The following EPC1 variants were observed in gnomAD, a reference collection of about 807,000 sequenced individuals.
The protein encoded by EPC1 is enhancer of polycomb 1.
In EPC1, 12 loss-of-function variants were observed where a neutral mutation model predicts 98.4. The ratio of observed to expected loss-of-function variants is 0.12; its 90% CI spans 0.08 to 0.20. The LOEUF (loss-of-function observed/expected upper bound fraction) is 0.20. EPC1 is among the 10% of genes least tolerant of loss of function. The pLI, the probability that EPC1 is intolerant of heterozygous loss-of-function variation, is 1.00. For missense variants in EPC1, 729 were observed against 990.5 expected (o/e 0.74, Z 3.54); for synonymous variants, 357 against 363.9 (o/e 0.98, Z 0.21).
At chr10:32,320,470 G>A (rs1836838913) in intron 1 of EPC1, among the ~76,000 whole-genome samples, 1 of 152,214 alleles carries the variant, frequency 6.6e-6, no homozygotes, top group Non-Finnish European at 1.5e-5. Context: ...TATGCACAGA[G>A]GCAGGGATAA....
At chr10:32,331,769 A>G (rs930040602) in intron 1 of EPC1, among the ~76,000 whole-genome samples, 7 of 152,356 alleles carry the variant, frequency 4.6e-5, no homozygotes, top group African/African-American at 1.2e-4. Flanking sequence ...CTTTGTAAAC[A>G]TAAGTTTATA....
chr10:32,335,464 C>T (rs1308851987), intron 1 of EPC1, among the ~76,000 whole-genome samples: 1 of 129,542 alleles, frequency 7.7e-6, no homozygotes, highest in Non-Finnish European at 1.7e-5. Flanking sequence ...AGAAACAATA[C>T]TCCCCATCGC....
chr10:32,280,522 C>G (rs1349005887), intron 10 of EPC1, among the ~76,000 whole-genome samples: 1 of 149,458 alleles, frequency 6.7e-6, no homozygotes, highest in African/African-American at 2.5e-5. Context: ...GGGTGGATCA[C>G]AGGGTCAGGA....
chr10:32,272,645 A>G (rs1835898868), intron 11 of EPC1, among the ~76,000 whole-genome samples: 1 of 152,244 alleles, frequency 6.6e-6, no homozygotes, highest in Non-Finnish European at 1.5e-5. Flanking sequence ...GAAGTAACAA[A>G]ATATCACATA....
rs546510794 is a variant in EPC1, at chr10:32,371,872, C to T, written c.3+6619G>A. On this transcript the variant is annotated intron_variant, in intron 1 of 13. Transcript: ENST00000375110. ...GAGCCAAGATCGAGCCACTGCACTT[C>T]AGACTGGGCAGCAGAGGGAGACTCC... Among the ~76,000 whole-genome samples, 4 of 151,898 alleles carry T rather than the reference C, an allele frequency of 2.6e-5. No individual in the cohort carries two copies. The South Asian group carries it at 6.3e-4, about 24-fold the overall frequency.
chr10:32,350,247 G>GTAACA (rs1839073557), upstream of EPC1, among the ~76,000 whole-genome samples: 1 of 152,196 alleles, frequency 6.6e-6, no homozygotes, highest in South Asian at 2.1e-4. Context: ...GGATAACCAG[G>GTAACA]TAACACACAG....
At chr10:32,368,858 CT>C (rs1312947794) in intron 1 of EPC1, among the ~76,000 whole-genome samples, 4 of 152,150 alleles carry the variant, frequency 2.6e-5, no homozygotes, top group Non-Finnish European at 5.9e-5. Context: ...ATTCAAGGCA[CT>C]TTAGATGCAC....
intron 10 of EPC1, among the ~76,000 whole-genome samples, chr10:32,278,551 T>G (rs1836232108): frequency 6.7e-6 from 1 of 150,222 alleles, no homozygotes; most frequent in Non-Finnish European, 1.5e-5. Context: ...CCGTCTAATT[T>G]TTTGTATTTT....
chr10:32,308,207 C>T, intron 1 of EPC1, among the ~76,000 whole-genome samples: 1 of 152,004 alleles, frequency 6.6e-6, no homozygotes, highest in Admixed American at 6.6e-5. Flanking sequence ...ATGGTGAAAC[C>T]CCATCTCTAC....
intron 1 of EPC1, chr10:32,346,536 G>A: frequency 1.8e-6 from 1 of 549,424 alleles, no homozygotes. Context: ...GCGGGACCCG[G>A]GTACAAGTGG....
At chr10:32,304,325 A>G (rs1835748145) in intron 2 of EPC1, among the ~76,000 whole-genome samples, 2 of 152,208 alleles carry the variant, frequency 1.3e-5, no homozygotes, top group Admixed American at 6.5e-5. Context: ...GCATGCATTT[A>G]TAAGATAATA....
intron 1 of EPC1, among the ~76,000 whole-genome samples, chr10:32,343,946 T>A (rs1401370776): frequency 6.6e-6 from 1 of 152,184 alleles, no homozygotes; most frequent in Non-Finnish European, 1.5e-5. Context: ...AGGTGGTGTA[T>A]AAAAAAACTG....
chr10:32,275,488 T>A (rs1407492702), intron 10 of EPC1, among the ~76,000 whole-genome samples: 1 of 149,290 alleles, frequency 6.7e-6, no homozygotes, highest in African/African-American at 2.5e-5. Context: ...AAAAGTTGGC[T>A]GGGCGCGGTG....
At position 32,290,379 on chromosome 10, in the gene EPC1, G is replaced by A. The variant is rs188086137; in HGVS notation, c.975+784C>T. On this transcript the variant is annotated intron_variant, in intron 6 of 13. Transcript: ENST00000319778. ...GTGCTACCTGTAGTCCCAGCTACTC[G>A]GGGAGGCGAGGCAGGAGAATCGCTT... Among the ~76,000 whole-genome samples the A allele has an allele frequency of 2.4e-4, 37 of 151,124 alleles. No individual in the cohort carries two copies. The East Asian group carries it at 6.7e-3, about 27-fold the overall frequency.
At chr10:32,350,475 T>C (rs1273182315), upstream of EPC1, among the ~76,000 whole-genome samples, 2 of 152,192 alleles carry the variant, frequency 1.3e-5, no homozygotes, top group South Asian at 2.1e-4. Context: ...AATGCTATTA[T>C]AGAAGAAAGA....
intron 1 of EPC1, among the ~76,000 whole-genome samples, chr10:32,316,990 A>G (rs1325758156): frequency 6.6e-6 from 1 of 152,248 alleles, no homozygotes; most frequent in East Asian, 1.9e-4. Context: ...CTAGTGGTAT[A>G]TTATGGGTAA....
At chr10:32,303,698 G>GC (rs1400382091) in intron 2 of EPC1, among the ~76,000 whole-genome samples, 1 of 152,202 alleles carries the variant, frequency 6.6e-6, no homozygotes. Context: ...TGGTGATGGT[G>GC]CAGGTGAGTG....
intron 1 of EPC1, among the ~76,000 whole-genome samples, chr10:32,329,961 A>G (rs1837541727): frequency 6.6e-6 from 1 of 152,232 alleles, no homozygotes; most frequent in Non-Finnish European, 1.5e-5. Flanking sequence ...ACCAACCCAC[A>G]GGGGAATGGT....
At position 32,268,066 on chromosome 10, in the gene EPC1, C is replaced by T. The variant is rs1378442893; in HGVS notation, c.*997G>A. On this transcript the variant is annotated 3_prime_UTR_variant, in exon 14 of 14. Transcript: ENST00000319778. ...ATACACGTACAGCAATTACTGCATT[C>T]TTCTCCCTTATATCCTTTTCGTAAG... is the stretch of plus-strand genomic sequence containing the variant. 2 of 152,180 alleles carry T rather than the reference C, an allele frequency of 1.3e-5. No homozygotes were observed. The highest frequency in any genetic ancestry group is 4.8e-5 in the African/African-American group (2 of 41,438). The allele number at this position is 152,180 out of a possible 1,614,324, so 9.4% of individuals were successfully genotyped here.
Sources: gnomAD v4.1 joint callset for allele counts (sites outside exome capture counted in the v4.1 genomes callset) on GRCh38, gnomAD v4.1.1 for gene constraint, MANE v1.5 for transcripts, NCBI Gene and HGNC (gene_info 2026-07-23, HGNC 2026-07-21) for gene names.